Variants in THSD4 observed in about 807,000 individuals in gnomAD.
THSD4 encodes the protein thrombospondin type-1 domain-containing protein 4.
A neutral mutation model predicts 119.0 loss-of-function variants in THSD4; 69 were observed. The ratio of observed to expected loss-of-function variants is 0.58; its 90% CI spans 0.48 to 0.71. The LOEUF is 0.71. THSD4 is among the 30% of genes least tolerant of loss of function. The pLI is 0.00. For synonymous variants in THSD4, 524 were observed against 540.4 expected (o/e 0.97, Z 0.42); for missense variants, 1,393 against 1,391.1 (o/e 1.00, Z -0.02).
chr15:71,256,620 C>A lies in THSD4; in HGVS notation c.920C>A (p.Pro307Gln), dbSNP rs376670961. The change falls in exon 6 of 18, where the codon CCA becomes CAA. Residue 307 changes from proline to glutamine, a missense_variant. Coordinates refer to ENST00000261862, the MANE Select transcript of THSD4 (RefSeq NM_024817.3). The stretch of plus-strand genomic sequence containing the variant: ...TAATATCTGCTTTATTAGGTATGTC[C>A]AGAAAGCAGTAGAAGTATCCGGGAG... ...QYKLCNTNVC[P>Q]ESSRSIREVQ... 3.1e-6 allele frequency: 5 copies of A among 1,613,576 alleles called. No homozygotes were observed. The highest frequency in any genetic ancestry group is 3.4e-6 in the Non-Finnish European group (4 of 1,179,786).
upstream of THSD4, chr15:71,111,475 G>T (rs371926282): frequency 8.2e-6 from 11 of 1,339,032 alleles, no homozygotes; most frequent in Non-Finnish European, 1.1e-5. Flanking sequence ...GCAGGGGAGG[G>T]AATCTACCCT....
At position 71,780,614 on chromosome 15, in the gene THSD4, G is replaced by C; in HGVS notation, c.*3240G>C. 2.2e-6 allele frequency: 1 copy of C among 455,480 alleles called. No individual in the cohort carries two copies. Among genetic ancestry groups the C allele is most frequent in the Non-Finnish European group, 4.4e-6 (1 of 226,554 alleles). 28.2% of individuals were successfully genotyped at this position (455,480 alleles called of 1,614,324 possible). ...TTCCGTAAAGGTATGCTCAGTGCCC[G>C]CTGCCTGCAAGCTGTTGGGGACCCC... On this transcript the variant is annotated 3_prime_UTR_variant, in exon 18 of 18. Transcript: ENST00000261862.
chr15:71,755,505 T>C (rs1333743768), intron 14 of THSD4, among the ~76,000 whole-genome samples: 1 of 151,682 alleles, frequency 6.6e-6, no homozygotes, highest in Non-Finnish European at 1.5e-5. Context: ...CCAGAAACCC[T>C]TAGAAAGGGC....
intron 7 of THSD4, among the ~76,000 whole-genome samples, chr15:71,422,396 A>G (rs1411228989): frequency 6.6e-6 from 1 of 152,214 alleles, no homozygotes; most frequent in Non-Finnish European, 1.5e-5. Flanking sequence ...TATTTGCATT[A>G]GGGGACACCT....
At chr15:71,409,266 G>C (rs1311028471) in intron 6 of THSD4, among the ~76,000 whole-genome samples, 1 of 151,948 alleles carries the variant, frequency 6.6e-6, no homozygotes, top group Non-Finnish European at 1.5e-5. Flanking sequence ...AGGAAGCCAA[G>C]AGAAGTGAGG....
Position 71,780,975 on chromosome 15 carries a change from T to C in THSD4, c.*3601T>C, listed in dbSNP as rs911026002. The C allele has an allele frequency of 5.7e-6, 2 of 348,506 alleles. No homozygotes were observed. Among genetic ancestry groups the C allele is most frequent in the African/African-American group, 4.3e-5 (2 of 46,676 alleles). 21.6% of individuals were successfully genotyped at this position (348,506 alleles called of 1,614,324 possible). On this transcript the variant is annotated 3_prime_UTR_variant, in exon 18 of 18. Transcript: ENST00000261862. ...TTTCTTTTCATTCGGATAGCCACTT[T>C]ATAGTTGGAATATCAATTCTAATGA...
chr15:71,286,266 AG>A, intron 6 of THSD4, among the ~76,000 whole-genome samples: 1 of 152,168 alleles, frequency 6.6e-6, no homozygotes, highest in African/African-American at 2.4e-5. Context: ...CCAGGTATTA[AG>A]CCTAGGATCC....
At chr15:71,160,628 CTGTGT>C (rs2043241084) in intron 3 of THSD4, among the ~76,000 whole-genome samples, 1 of 151,788 alleles carries the variant, frequency 6.6e-6, no homozygotes, top group South Asian at 2.1e-4. Flanking sequence ...TAGTGTCTTT[CTGTGT>C]TATCAGTTGT....
chr15:71,760,554 T>C (rs2053612536), intron 15 of THSD4, among the ~76,000 whole-genome samples: 1 of 152,222 alleles, frequency 6.6e-6, no homozygotes, highest in Non-Finnish European at 1.5e-5. Flanking sequence ...CCCAGAATTA[T>C]TTCCTTTCTT....
intron 6 of THSD4, among the ~76,000 whole-genome samples, chr15:71,319,390 C>A (rs371274571): frequency 1.7e-4 from 23 of 131,678 alleles, no homozygotes; most frequent in African/African-American, 6.3e-4. Context: ...ATCCCTCCCC[C>A]CTCCCCCTTC....
At position 71,316,587 on chromosome 15, in the gene THSD4, A is replaced by G. The variant is rs186973590; in HGVS notation, c.1015+59872A>G. 3.8e-4 allele frequency among the ~76,000 whole-genome samples: 58 copies of G among 152,240 alleles called. No individual in the cohort carries two copies. In the East Asian group the frequency reaches 0.011, roughly 28 times the overall value. ...ACACACCAACCTAGGCCTTAGGCCCATTGCTGCTAGGGAGGGGTACCCATC... is the reference window on the plus strand; with the variant it reads ...ACACACCAACCTAGGCCTTAGGCCCGTTGCTGCTAGGGAGGGGTACCCATC... On this transcript the variant is annotated intron_variant, in intron 6 of 17. Coordinates refer to ENST00000261862, the MANE Select transcript of THSD4 (RefSeq NM_024817.3).
At chr15:71,193,404 G>T (rs1299480405) in intron 3 of THSD4, among the ~76,000 whole-genome samples, 1 of 152,058 alleles carries the variant, frequency 6.6e-6, no homozygotes, top group Non-Finnish European at 1.5e-5. Context: ...GAGATATGAC[G>T]CACAGGGAAA....
At chr15:71,190,826 T>G (rs2043664912) in intron 3 of THSD4, among the ~76,000 whole-genome samples, 1 of 152,142 alleles carries the variant, frequency 6.6e-6, no homozygotes. Context: ...AATTTTGGAA[T>G]GCAGAAGGTC....
Position 71,097,575 on chromosome 15 carries a change from A to AC in THSD4, c.-80+569_-80+570insC, listed in dbSNP as rs933450677. Among the ~76,000 whole-genome samples, 46 of 151,508 alleles carry AC rather than the reference A, an allele frequency of 3.0e-4. 1 individual carries two copies. The highest frequency in any genetic ancestry group is 1.0e-3 in the African/African-American group (42 of 41,292). On this transcript the variant is annotated intron_variant, in intron 1 of 17. Coordinates refer to the THSD4 transcript ENST00000355327. ...AGCAAGACTCTGTCTCGAAAAAAAA[A>AC]AACAACAACAACCAAATGAGACAAC...
Position 71,542,581 on chromosome 15 carries a change from G to GA in THSD4, c.1153-117942dup, listed in dbSNP as rs1312031012. 2.6e-5 allele frequency among the ~76,000 whole-genome samples: 4 copies of GA among 151,946 alleles called. No individual in the cohort carries two copies. In the South Asian group the frequency reaches 6.2e-4, roughly 24 times the overall value. Reference sequence around the variant, plus strand: ...CTGTCTAATCATGAAAAAAACGTTAGAAAAAAACAAATTGGGCCGGGCACA... The same window carrying GA: ...CTGTCTAATCATGAAAAAAACGTTAGAAAAAAAACAAATTGGGCCGGGCACA... On this transcript the variant is annotated intron_variant, in intron 7 of 17. Transcript: ENST00000261862.
At chr15:71,634,927 T>C (rs2050710751) in intron 7 of THSD4, among the ~76,000 whole-genome samples, 1 of 152,232 alleles carries the variant, frequency 6.6e-6, no homozygotes, top group African/African-American at 2.4e-5. Flanking sequence ...GAATACTCCA[T>C]CTTAATGGCT....
Position 71,673,371 on chromosome 15 carries a change from T to C in THSD4, c.1357+12637T>C, listed in dbSNP as rs181352731. Among the ~76,000 whole-genome samples the C allele has an allele frequency of 1.3e-3, 202 of 152,268 alleles. 1 individual carries two copies. The highest frequency in any genetic ancestry group is 3.4e-3 in the Middle Eastern group (1 of 294). On this transcript the variant is annotated intron_variant, in intron 8 of 17. Coordinates refer to ENST00000261862, the MANE Select transcript of THSD4 (RefSeq NM_024817.3). ...ATTTTTTATTGCGTCTATTTGATTC[T>C]TCTCTCTTTTCTTCTTTATTAGTCT...
chr15:71,140,066 T>A (rs1346431910), intron 1 of THSD4, among the ~76,000 whole-genome samples: 1 of 152,276 alleles, frequency 6.6e-6, no homozygotes, highest in African/African-American at 2.4e-5. Context: ...AAGTAGTATT[T>A]ATGGGCGAGA....
At chr15:71,312,986 T>C (rs976405799) in intron 6 of THSD4, among the ~76,000 whole-genome samples, 2 of 152,194 alleles carry the variant, frequency 1.3e-5, no homozygotes, top group African/African-American at 4.8e-5. Context: ...CTCTGTCTTG[T>C]TCACTGCCAC....
Sources: gnomAD v4.1 joint callset for allele counts (sites outside exome capture counted in the v4.1 genomes callset) on GRCh38, gnomAD v4.1.1 for gene constraint, MANE v1.5 for transcripts, NCBI Gene and HGNC (gene_info 2026-07-23, HGNC 2026-07-21) for gene names.